Variants in IMMP2L observed in about 807,000 individuals in gnomAD.
IMMP2L encodes inner mitochondrial membrane peptidase subunit 2.
IMMP2L carries 18 observed loss-of-function variants against 19.3 expected under a neutral mutation model. The observed-to-expected ratio is 0.93, with a 90% CI of 0.64 to 1.38. The LOEUF is 1.38. Among genes scored for constraint, IMMP2L ranks in the 40% most tolerant of loss-of-function variants. The pLI is 0.00. For missense variants in IMMP2L, 233 were observed against 218.2 expected, an observed-to-expected ratio of 1.07 and a Z score of -0.43; for synonymous variants, 76 against 73.0, an observed-to-expected ratio of 1.04 and a Z score of -0.21.
At chr7:111,206,673 ATTTTAAATGTACAGTTGAATTATT>A (rs1810744147) in intron 3 of IMMP2L, among the ~76,000 whole-genome samples, 1 of 152,222 alleles carries the variant, frequency 6.6e-6, no homozygotes, top group Non-Finnish European at 1.5e-5. Flanking sequence ...TCTTTCAGTT[ATTTTAAATGTACAGTTGAATTATT>A]ATTAACTACA....
intron 3 of IMMP2L, among the ~76,000 whole-genome samples, chr7:110,965,105 G>C (rs775055148): frequency 1.1e-4 from 17 of 151,968 alleles, no homozygotes; most frequent in Non-Finnish European, 2.2e-4. Context: ...ATGTAGCAAT[G>C]GGTAACTCTA....
At chr7:111,446,466 G>C (rs1585135945) in intron 3 of IMMP2L, among the ~76,000 whole-genome samples, 1 of 150,230 alleles carries the variant, frequency 6.7e-6, no homozygotes, top group Non-Finnish European at 1.5e-5. Flanking sequence ...TCACACGGCA[G>C]GGTATTCCAA....
chr7:110,970,174 T>G (rs1819991964), intron 3 of IMMP2L, among the ~76,000 whole-genome samples: 1 of 152,170 alleles, frequency 6.6e-6, no homozygotes, highest in Admixed American at 6.6e-5. Flanking sequence ...TGAAAAGAGC[T>G]GTGTAATTGA....
At chr7:110,857,167 C>T (rs1397459646) in intron 5 of IMMP2L, among the ~76,000 whole-genome samples, 1 of 152,052 alleles carries the variant, frequency 6.6e-6, no homozygotes, top group South Asian at 2.1e-4. Context: ...CTGATTTGTT[C>T]TAACTTGATG....
At chr7:110,947,724 A>T (rs1817398565) in intron 4 of IMMP2L, among the ~76,000 whole-genome samples, 1 of 152,212 alleles carries the variant, frequency 6.6e-6, no homozygotes, top group Admixed American at 6.5e-5. Context: ...TGATGTATGT[A>T]AAATTGAAAT....
intron 1 of IMMP2L, among the ~76,000 whole-genome samples, chr7:111,538,816 TAAAAAAAAAAA>T (rs768599585): frequency 3.3e-4 from 27 of 82,430 alleles, no homozygotes; most frequent in Non-Finnish European, 5.0e-4. Context: ...CTGGCTCATT[TAAAAAAAAAAA>T]AAAAAAAAAA....
intron 5 of IMMP2L, among the ~76,000 whole-genome samples, chr7:110,866,566 G>T (rs1808003895): frequency 6.6e-6 from 1 of 151,974 alleles, no homozygotes; most frequent in Non-Finnish European, 1.5e-5. Context: ...AACCTCCCTA[G>T]TTTAATCTGC....
At chr7:111,239,120 C>A (rs532525252) in intron 3 of IMMP2L, among the ~76,000 whole-genome samples, 1 of 151,998 alleles carries the variant, frequency 6.6e-6, no homozygotes, top group African/African-American at 2.4e-5. Flanking sequence ...ATATGTAAAT[C>A]TGAACTAATT....
intron 2 of IMMP2L, 55 bp downstream of exon 2, chr7:111,521,258 T>G: frequency 6.5e-7 from 1 of 1,545,122 alleles, no homozygotes; most frequent in East Asian, 2.3e-5. Flanking sequence ...TCATTTCTAG[T>G]GCTTGAAAAA....
intron 3 of IMMP2L, among the ~76,000 whole-genome samples, chr7:111,343,165 C>T (rs1023529059): frequency 6.6e-6 from 1 of 152,086 alleles, no homozygotes; most frequent in African/African-American, 2.4e-5. Flanking sequence ...ATTCACACTA[C>T]AATTACAAGG....
chr7:111,124,117 G>C, intron 3 of IMMP2L: 1 of 1,614,008 alleles, frequency 6.2e-7, no homozygotes, highest in Non-Finnish European at 8.5e-7. Context: ...AGCTACTGCA[G>C]AACCACAGCC....
At chr7:111,047,925 G>A (rs544255419) in intron 3 of IMMP2L, among the ~76,000 whole-genome samples, 1 of 152,130 alleles carries the variant, frequency 6.6e-6, no homozygotes, top group Non-Finnish European at 1.5e-5. Context: ...AAAAAGCGAA[G>A]CAGTTACTTT....
chr7:110,682,509 A>T (rs1792795884), intron 5 of IMMP2L, among the ~76,000 whole-genome samples: 1 of 152,160 alleles, frequency 6.6e-6, no homozygotes, highest in South Asian at 2.1e-4. Flanking sequence ...GAGAAAATGT[A>T]GATTGGACAC....
intron 1 of IMMP2L, among the ~76,000 whole-genome samples, chr7:111,556,181 A>G (rs1385609570): frequency 6.6e-6 from 1 of 151,530 alleles, no homozygotes; most frequent in Non-Finnish European, 1.5e-5. Context: ...ATTGAGATGT[A>G]GGTCAAAGGA....
chr7:110,933,803 T>C (rs1206218800), intron 4 of IMMP2L, among the ~76,000 whole-genome samples: 1 of 152,140 alleles, frequency 6.6e-6, no homozygotes, highest in African/African-American at 2.4e-5. Flanking sequence ...TTCCTATTAA[T>C]GATGAAAACA....
chr7:111,043,343 C>T (rs1241350466), intron 3 of IMMP2L, among the ~76,000 whole-genome samples: 2 of 152,144 alleles, frequency 1.3e-5, no homozygotes, highest in Admixed American at 6.5e-5. Flanking sequence ...AGCCAGGAAG[C>T]CTGAAATTTC....
Position 110,715,519 on chromosome 7 carries a change from C to A in IMMP2L, c.409-51798G>T, listed in dbSNP as rs114042591. On this transcript the variant is annotated intron_variant, in intron 5 of 5. Transcript: ENST00000405709. ...TTTTGATTTCTGCCTTAATTTCATT[C>A]TTTTCCCAAAAATCATTCAGGAGCA... Among the ~76,000 whole-genome samples the A allele has an allele frequency of 5.2e-3, 784 of 152,174 alleles. 5 individuals are homozygous for A. Among genetic ancestry groups the A allele is most frequent in the African/African-American group, 0.018 (746 of 41,536 alleles).
intron 5 of IMMP2L, among the ~76,000 whole-genome samples, chr7:110,795,726 C>T (rs1274442043): frequency 6.6e-6 from 1 of 152,064 alleles, no homozygotes; most frequent in African/African-American, 2.4e-5. Context: ...GGGAATCACA[C>T]TAAGATTTTT....
intron 5 of IMMP2L, among the ~76,000 whole-genome samples, chr7:110,686,498 C>T (rs1421685637): frequency 6.6e-6 from 1 of 152,048 alleles, no homozygotes; most frequent in African/African-American, 2.4e-5. Context: ...ACAATCCCAA[C>T]AGGGTATCCC....
Sources: allele counts gnomAD v4.1 joint callset (sites outside exome capture counted in the v4.1 genomes callset), GRCh38; gene constraint gnomAD v4.1.1; transcripts MANE v1.5; gene names NCBI Gene and HGNC (gene_info 2026-07-23, HGNC 2026-07-21).